Variants in KIF16B observed in about 807,000 individuals in gnomAD.
The protein encoded by KIF16B is kinesin family member 16B, also known as kinesin-like protein KIF16B.
In KIF16B, 98 loss-of-function variants were observed where a neutral mutation model predicts 156.3. The observed-to-expected ratio is 0.63, with a 90% CI of 0.53 to 0.74. The LOEUF is 0.74. KIF16B is among the 30% of genes least tolerant of loss of function. The pLI is 0.00. For missense variants in KIF16B, 1,421 were observed against 1,606.5 expected (o/e 0.88, Z 1.97); for synonymous variants, 564 against 583.7 (o/e 0.97, Z 0.49).
intron 10 of KIF16B, among the ~76,000 whole-genome samples, chr20:16,500,594 GA>G (rs1330956343): frequency 2.0e-5 from 3 of 151,956 alleles, no homozygotes; most frequent in African/African-American, 4.8e-5. Context: ...TTTCAATTAC[GA>G]AAGTTGATAT....
intron 12 of KIF16B, among the ~76,000 whole-genome samples, chr20:16,450,081 G>A (rs762186169): frequency 6.6e-6 from 1 of 152,000 alleles, no homozygotes; most frequent in Non-Finnish European, 1.5e-5. Flanking sequence ...GCAAACATAC[G>A]CTTTTCAAAA....
At position 16,426,398 on chromosome 20, in the gene KIF16B, G is replaced by A. The variant is rs539572659; in HGVS notation, c.1612+706C>T. 5.9e-5 allele frequency among the ~76,000 whole-genome samples: 9 copies of A among 152,254 alleles called. No homozygotes were observed. The East Asian group carries it at 9.7e-4, about 16-fold the overall frequency. On this transcript the variant is annotated intron_variant, in intron 15 of 25. Coordinates refer to ENST00000354981, the MANE Select transcript of KIF16B (RefSeq NM_024704.5). Reference sequence around the variant, plus strand: ...AAAGTCTAGGAAAGGCCAAGGAAAAGTTCCAGTCTGAAAAAGAAGAGAGAG... The same window carrying A: ...AAAGTCTAGGAAAGGCCAAGGAAAAATTCCAGTCTGAAAAAGAAGAGAGAG...
intron 25 of KIF16B, among the ~76,000 whole-genome samples, chr20:16,282,193 G>A (rs1375425341): frequency 6.6e-6 from 1 of 151,890 alleles, no homozygotes; most frequent in Non-Finnish European, 1.5e-5. Context: ...CACCATGCCT[G>A]GCTAATTTTT....
Position 16,364,642 on chromosome 20 carries a change from G to A in KIF16B, c.3498+5944C>T, listed in dbSNP as rs939279174. Among the ~76,000 whole-genome samples the A allele has an allele frequency of 3.3e-5, 5 of 152,282 alleles. No homozygotes were observed. In the East Asian group the frequency reaches 7.7e-4, roughly 24 times the overall value. On this transcript the variant is annotated intron_variant, in intron 22 of 25. Coordinates refer to ENST00000354981, the MANE Select transcript of KIF16B (RefSeq NM_024704.5). ...CTCCACTGGCTTCCACAGGCATCAC[G>A]ACAACCTTAATACTTACTTCACAGA...
intron 16 of KIF16B, among the ~76,000 whole-genome samples, chr20:16,405,803 T>C (rs1033162820): frequency 6.6e-6 from 1 of 152,134 alleles, no homozygotes; most frequent in Non-Finnish European, 1.5e-5. Flanking sequence ...TAGCCTTTAT[T>C]ATTTTCTTCA....
chr20:16,380,698 A>T (rs1173868305), intron 18 of KIF16B, among the ~76,000 whole-genome samples: 2 of 152,188 alleles, frequency 1.3e-5, no homozygotes, highest in African/African-American at 4.8e-5. Flanking sequence ...TGATCACCAA[A>T]TGGTCCAAAA....
At chr20:16,335,682 T>C (rs1281528611) in intron 24 of KIF16B, among the ~76,000 whole-genome samples, 1 of 152,220 alleles carries the variant, frequency 6.6e-6, no homozygotes, top group Non-Finnish European at 1.5e-5. Flanking sequence ...ACTGTCATTG[T>C]AATATCACTT....
chr20:16,546,568 G>C (rs767854948), intron 1 of KIF16B, among the ~76,000 whole-genome samples: 3 of 152,118 alleles, frequency 2.0e-5, no homozygotes, highest in Admixed American at 2.0e-4. Flanking sequence ...CAAAATAGGT[G>C]CAAGTGGAAT....
chr20:16,345,021 C>T (rs1292461187), intron 23 of KIF16B, among the ~76,000 whole-genome samples: 2 of 152,194 alleles, frequency 1.3e-5, no homozygotes, highest in Non-Finnish European at 2.9e-5. Flanking sequence ...ACCAAGTCAT[C>T]ACTTGTCCTT....
chr20:16,443,415 A>G (rs1338759771), intron 12 of KIF16B, among the ~76,000 whole-genome samples: 1 of 152,210 alleles, frequency 6.6e-6, no homozygotes, highest in African/African-American at 2.4e-5. Context: ...CTATGAACCC[A>G]AAGAGTTAAT....
At position 16,526,095 on chromosome 20, in the gene KIF16B, T is replaced by G. The variant is rs1256360179; in HGVS notation, c.228A>C (p.Glu76Asp). 2 of 1,543,872 alleles carry G rather than the reference T, an allele frequency of 1.3e-6. No individual in the cohort carries two copies. The highest frequency in any genetic ancestry group is 2.7e-5 in the African/African-American group (2 of 73,194). Residue 76 changes from glutamate (E) to aspartate (D), a missense_variant, in exon 3 of 26, where the codon GAA becomes GAC. Coordinates refer to ENST00000354981, the MANE Select transcript of KIF16B (RefSeq NM_024704.5). ...DTKSPDYVSQ[E>D]MVFKTLGTDV... is the part of the protein sequence containing the mutation. ...ATATTTTGAAAATATCATATACCAT[T>G]TCTTGTGAAACGTAATCTGGGCTTT...
chr20:16,479,618 G>A (rs2067921661), intron 12 of KIF16B, among the ~76,000 whole-genome samples: 2 of 152,114 alleles, frequency 1.3e-5, no homozygotes, highest in Admixed American at 1.3e-4. Context: ...TGCAATGGTG[G>A]TACCATAAGA....
chr20:16,453,835 A>T (rs572720570), intron 12 of KIF16B, among the ~76,000 whole-genome samples: 4 of 152,194 alleles, frequency 2.6e-5, no homozygotes, highest in African/African-American at 9.7e-5. Flanking sequence ...GGAAAAGCAA[A>T]ATGGTACAAC....
chr20:16,433,480 G>C (rs757725721), intron 12 of KIF16B, among the ~76,000 whole-genome samples: 1 of 151,754 alleles, frequency 6.6e-6, no homozygotes, highest in Non-Finnish European at 1.5e-5. Context: ...AAACACTTTT[G>C]TTTTTCCTTG....
At chr20:16,293,496 T>C (rs1379392206) in intron 25 of KIF16B, among the ~76,000 whole-genome samples, 4 of 152,192 alleles carry the variant, frequency 2.6e-5, no homozygotes, top group African/African-American at 7.2e-5. Context: ...GACATGTTTC[T>C]AGAAACTTAC....
At chr20:16,296,500 C>A (rs78152041) in intron 25 of KIF16B, among the ~76,000 whole-genome samples, 3,656 of 152,232 alleles carry the variant, frequency 0.024, 162 homozygotes, top group African/African-American at 0.084. Context: ...CATCTTGAGT[C>A]GTTCTGTGCT....
At chr20:16,563,233 A>G (rs939533458) in intron 1 of KIF16B, among the ~76,000 whole-genome samples, 1 of 152,216 alleles carries the variant, frequency 6.6e-6, no homozygotes, top group African/African-American at 2.4e-5. Context: ...TCCTGGCCCC[A>G]CTGGTGGTTA....
At chr20:16,483,980 G>A (rs1208797827) in intron 12 of KIF16B, among the ~76,000 whole-genome samples, 1 of 151,882 alleles carries the variant, frequency 6.6e-6, no homozygotes, top group African/African-American at 2.4e-5. Context: ...AGCATCCGCT[G>A]AGTACAAGTG....
intron 3 of KIF16B, among the ~76,000 whole-genome samples, chr20:16,518,522 G>C (rs558237155): frequency 1.8e-4 from 27 of 152,294 alleles, no homozygotes; most frequent in African/African-American, 6.5e-4. Context: ...CGCTCATCGG[G>C]CATGTCAACT....
Sources: allele counts gnomAD v4.1 joint callset (sites outside exome capture counted in the v4.1 genomes callset), GRCh38; gene constraint gnomAD v4.1.1; transcripts MANE v1.5; gene names NCBI Gene and HGNC (gene_info 2026-07-23, HGNC 2026-07-21).